RFX8: variants seen among roughly 807,000 people sequenced by gnomAD.
The protein encoded by RFX8 is regulatory factor X8.
A neutral mutation model predicts 54.6 loss-of-function variants in RFX8; 46 were observed. That is an observed-to-expected ratio of 0.84 (90% CI 0.67 to 1.08). RFX8 has a LOEUF of 1.08. Among genes scored for constraint, RFX8 ranks in the 50% least tolerant of loss-of-function variants. The pLI is 0.00. For synonymous variants in RFX8, 192 were observed against 209.5 expected, an observed-to-expected ratio of 0.92 and a Z score of 0.72; for missense variants, 536 against 562.3, an observed-to-expected ratio of 0.95 and a Z score of 0.47.
At chr2:101,398,311 G>C (rs953724056) in intron 11 of RFX8, among the ~76,000 whole-genome samples, 3 of 152,094 alleles carry the variant, frequency 2.0e-5, no homozygotes, top group African/African-American at 7.2e-5. Context: ...AAATGTCCTC[G>C]TGAGAGCAAA....
At chr2:101,472,247 G>A (rs1042408930) in intron 1 of RFX8, among the ~76,000 whole-genome samples, 1 of 151,996 alleles carries the variant, frequency 6.6e-6, no homozygotes, top group Non-Finnish European at 1.5e-5. Flanking sequence ...ATTTACAGGC[G>A]CCCGCCACCA....
intron 2 of RFX8, among the ~76,000 whole-genome samples, chr2:101,454,946 G>A (rs1219784312): frequency 1.3e-5 from 2 of 151,728 alleles, no homozygotes; most frequent in Non-Finnish European, 2.9e-5. Flanking sequence ...CATTGCTTTT[G>A]GTGTTTTAGT....
intron 11 of RFX8, among the ~76,000 whole-genome samples, chr2:101,401,611 G>A (rs1685450143): frequency 6.6e-6 from 1 of 152,098 alleles, no homozygotes. Context: ...TAAGACAATC[G>A]CTGTCAGTTT....
chr2:101,465,144 A>G (rs1191523823), intron 2 of RFX8, among the ~76,000 whole-genome samples: 1 of 152,218 alleles, frequency 6.6e-6, no homozygotes, highest in Non-Finnish European at 1.5e-5. Context: ...AAACATAGCC[A>G]CTTCAGCAGG....
intron 2 of RFX8, chr2:101,452,330 AT>A: frequency 1.0e-6 from 1 of 998,652 alleles, no homozygotes; most frequent in South Asian, 1.6e-5. Context: ...TCATTTTGTG[AT>A]TTTCCAAATC....
At chr2:101,469,093 AGT>A (rs367668795) in intron 1 of RFX8, among the ~76,000 whole-genome samples, 7 of 15,292 alleles carry the variant, frequency 4.6e-4, no homozygotes, top group Admixed American at 1.0e-3. Context: ...TATATATATA[AGT>A]ATATATATAT....
At chr2:101,436,796 T>C (rs1287037562) in intron 2 of RFX8, among the ~76,000 whole-genome samples, 1 of 152,166 alleles carries the variant, frequency 6.6e-6, no homozygotes, top group Non-Finnish European at 1.5e-5. Context: ...AGCGCTCTGG[T>C]CCTCTGTTGG....
chr2:101,474,389 C>A, intron 1 of RFX8: 1 of 386,130 alleles, frequency 2.6e-6, no homozygotes, highest in East Asian at 3.9e-5. Flanking sequence ...TAGAAAGGAG[C>A]GCGCGGGGGG....
chr2:101,418,826 T>A (rs1046141861), intron 5 of RFX8, 25 bp downstream of exon 5: 2 of 1,416,380 alleles, frequency 1.4e-6, no homozygotes, highest in Non-Finnish European at 9.8e-7. Flanking sequence ...AAGGATATAC[T>A]CTAGAGACTC....
chr2:101,441,038 C>A (rs1431697959), intron 2 of RFX8, among the ~76,000 whole-genome samples: 1 of 144,672 alleles, frequency 6.9e-6, no homozygotes, highest in African/African-American at 2.6e-5. Flanking sequence ...ACGATCTTGG[C>A]TCACTGCAAG....
intron 1 of RFX8, among the ~76,000 whole-genome samples, chr2:101,468,977 A>AGTATATATATATAAGTATATATATAC (rs1180486663): frequency 2.2e-5 from 3 of 135,190 alleles, no homozygotes; most frequent in South Asian, 2.3e-4. Flanking sequence ...TATATATGTA[A>AGTATATATATATAAGTATATATATAC]GTATATATAT....
chr2:101,432,905 G>A (rs1044872222), intron 2 of RFX8, among the ~76,000 whole-genome samples: 5 of 152,190 alleles, frequency 3.3e-5, no homozygotes. Flanking sequence ...TGACTCCCAG[G>A]CGAGTCCGTC....
At chr2:101,455,756 G>A (rs1437244048) in intron 2 of RFX8, among the ~76,000 whole-genome samples, 1 of 152,186 alleles carries the variant, frequency 6.6e-6, no homozygotes, top group Non-Finnish European at 1.5e-5. Context: ...TGTGAAGAAA[G>A]TCATTGGTAG....
At chr2:101,444,687 A>C (rs1688276298) in intron 2 of RFX8, among the ~76,000 whole-genome samples, 1 of 152,260 alleles carries the variant, frequency 6.6e-6, no homozygotes, top group African/African-American at 2.4e-5. Flanking sequence ...AAAAGAATCA[A>C]GTGGAAATTA....
chr2:101,458,990 A>T (rs905404668), intron 2 of RFX8, among the ~76,000 whole-genome samples: 2 of 151,958 alleles, frequency 1.3e-5, no homozygotes, highest in African/African-American at 4.8e-5. Flanking sequence ...CCTTTCTTCC[A>T]CTTGATCGAA....
At chr2:101,415,370 CCAGA>C (rs1193615343) in intron 6 of RFX8, among the ~76,000 whole-genome samples, 1 of 152,222 alleles carries the variant, frequency 6.6e-6, no homozygotes, top group Non-Finnish European at 1.5e-5. Context: ...CAGACCTTCC[CCAGA>C]CACCCATCTG....
intron 11 of RFX8, among the ~76,000 whole-genome samples, chr2:101,398,684 C>A (rs1339911944): frequency 2.0e-5 from 3 of 152,168 alleles, no homozygotes; most frequent in African/African-American, 7.2e-5. Flanking sequence ...GCAAGTCTTC[C>A]TATCAGAGAA....
intron 2 of RFX8, among the ~76,000 whole-genome samples, chr2:101,438,450 T>C (rs1163422661): frequency 6.6e-6 from 1 of 152,232 alleles, no homozygotes; most frequent in Admixed American, 6.5e-5. Flanking sequence ...TTCCACAGTA[T>C]GGATGGATCA....
At chr2:101,465,097 CA>C (rs1689500109) in intron 2 of RFX8, among the ~76,000 whole-genome samples, 1 of 152,150 alleles carries the variant, frequency 6.6e-6, no homozygotes, top group East Asian at 1.9e-4. Flanking sequence ...AGCTTAGAGT[CA>C]CCTAGCAAGA....
Sources: gnomAD v4.1 joint callset for allele counts (sites outside exome capture counted in the v4.1 genomes callset) on GRCh38, gnomAD v4.1.1 for gene constraint, MANE v1.5 for transcripts, NCBI Gene and HGNC (gene_info 2026-07-23, HGNC 2026-07-21) for gene names.